Variants in CATSPERB observed in about 807,000 individuals in gnomAD.
CATSPERB encodes the protein catsper channel auxiliary subunit beta.
Under a neutral mutation model 128.3 loss-of-function variants are expected in CATSPERB, and 93 were observed. The ratio of observed to expected loss-of-function variants is 0.72; its 90% CI spans 0.61 to 0.86. CATSPERB has a LOEUF of 0.86. Ranked by LOEUF, CATSPERB falls within the 40% of genes least tolerant of loss-of-function variation. CATSPERB has a pLI of 0.00. For missense variants in CATSPERB, 1,153 were observed against 1,329.5 expected (o/e 0.87, Z 2.06); for synonymous variants, 381 against 448.8 (o/e 0.85, Z 1.91).
intron 15 of CATSPERB, among the ~76,000 whole-genome samples, chr14:91,644,169 G>A (rs1894548420): frequency 1.5e-5 from 2 of 132,760 alleles, no homozygotes; most frequent in Admixed American, 1.5e-4. Context: ...TATCCAATTT[G>A]CCAGTCTGTG....
chr14:91,673,446 C>G (rs935531250), intron 12 of CATSPERB, among the ~76,000 whole-genome samples: 2 of 152,142 alleles, frequency 1.3e-5, no homozygotes, highest in African/African-American at 4.8e-5. Flanking sequence ...AAAGCCTTCT[C>G]CCTGGCAATA....
At chr14:91,609,441 C>G (rs1893780022) in intron 21 of CATSPERB, among the ~76,000 whole-genome samples, 1 of 152,112 alleles carries the variant, frequency 6.6e-6, no homozygotes, top group African/African-American at 2.4e-5. Flanking sequence ...TAGAGTTCAC[C>G]CAAGTAGCAC....
intron 15 of CATSPERB, among the ~76,000 whole-genome samples, chr14:91,650,157 C>T (rs1298541156): frequency 2.6e-5 from 4 of 152,160 alleles, no homozygotes; most frequent in Non-Finnish European, 4.4e-5. Context: ...TGTACTTTGT[C>T]TCAGTTATTT....
intron 17 of CATSPERB, among the ~76,000 whole-genome samples, chr14:91,630,871 G>A (rs992290063): frequency 3.3e-5 from 5 of 151,930 alleles, no homozygotes; most frequent in East Asian, 3.9e-4. Flanking sequence ...CTATAATACC[G>A]TCTATGATCT....
At chr14:91,641,484 G>C (rs1380275333) in intron 15 of CATSPERB, among the ~76,000 whole-genome samples, 1 of 152,064 alleles carries the variant, frequency 6.6e-6, no homozygotes, top group Non-Finnish European at 1.5e-5. Flanking sequence ...CCCATTGCTT[G>C]TTTTTCTCAG....
At chr14:91,718,537 G>A (rs1474432616) in intron 5 of CATSPERB, among the ~76,000 whole-genome samples, 1 of 152,100 alleles carries the variant, frequency 6.6e-6, no homozygotes, top group Non-Finnish European at 1.5e-5. Flanking sequence ...GATCAACAAT[G>A]GGTCAACTGA....
chr14:91,666,953 A>G (rs28838354), intron 14 of CATSPERB, among the ~76,000 whole-genome samples: 12,522 of 152,222 alleles, frequency 0.082, 551 homozygotes, highest in Middle Eastern at 0.16. Context: ...TAACCTATAT[A>G]TTGATGGAAG....
At chr14:91,640,243 TA>T (rs1566714917) in intron 15 of CATSPERB, among the ~76,000 whole-genome samples, 29 of 151,282 alleles carry the variant, frequency 1.9e-4, no homozygotes, top group East Asian at 9.7e-4. Flanking sequence ...TCATTCTTTT[TA>T]TTTTTTTATT....
intron 13 of CATSPERB, among the ~76,000 whole-genome samples, chr14:91,670,609 G>C (rs953209128): frequency 3.3e-5 from 5 of 152,012 alleles, no homozygotes; most frequent in Admixed American, 1.3e-4. Flanking sequence ...TGAGCCAGGA[G>C]TTAGAGTCTG....
chr14:91,621,264 G>A (rs1164360211), intron 19 of CATSPERB, among the ~76,000 whole-genome samples: 1 of 152,178 alleles, frequency 6.6e-6, no homozygotes, highest in Non-Finnish European at 1.5e-5. Context: ...CTAGCCGGGA[G>A]TGGTGTACAC....
At chr14:91,618,172 C>T (rs991839387) in intron 19 of CATSPERB, among the ~76,000 whole-genome samples, 1 of 152,164 alleles carries the variant, frequency 6.6e-6, no homozygotes, top group Non-Finnish European at 1.5e-5. Flanking sequence ...CATTTGTAAA[C>T]TGTCATGGTG....
At chr14:91,609,285 T>C (rs183385096) in intron 21 of CATSPERB, among the ~76,000 whole-genome samples, 2 of 152,254 alleles carry the variant, frequency 1.3e-5, no homozygotes, top group East Asian at 3.9e-4. Context: ...TGGTGTTATT[T>C]AAGGTTTACA....
chr14:91,586,809 C>T (rs1893310183), intron 26 of CATSPERB, among the ~76,000 whole-genome samples: 1 of 152,084 alleles, frequency 6.6e-6, no homozygotes, highest in South Asian at 2.1e-4. Flanking sequence ...ACAATGATTA[C>T]AGTTCAAACA....
At chr14:91,729,895 G>A (rs1053500511) in intron 1 of CATSPERB, among the ~76,000 whole-genome samples, 2 of 152,090 alleles carry the variant, frequency 1.3e-5, no homozygotes, top group African/African-American at 4.8e-5. Context: ...GCACATTCTC[G>A]TTGAGTGTGC....
At chr14:91,729,338 A>G in intron 2 of CATSPERB, 63 bp downstream of exon 2, 2 of 687,030 alleles carry the variant, frequency 2.9e-6, no homozygotes, top group South Asian at 2.7e-5. Context: ...ACTGTAAATA[A>G]GGAAGAGACA....
intron 5 of CATSPERB, among the ~76,000 whole-genome samples, chr14:91,718,309 T>A (rs1208838616): frequency 2.0e-5 from 3 of 152,228 alleles, no homozygotes; most frequent in Non-Finnish European, 4.4e-5. Context: ...CCAGATGTTA[T>A]GGCACTGGCG....
At chr14:91,617,367 G>T (rs1378138740) in intron 20 of CATSPERB, among the ~76,000 whole-genome samples, 1 of 152,014 alleles carries the variant, frequency 6.6e-6, no homozygotes, top group African/African-American at 2.4e-5. Context: ...TTTCTTTTAA[G>T]TTTGATAAAT....
intron 2 of CATSPERB, among the ~76,000 whole-genome samples, chr14:91,727,563 A>C (rs2139784567): frequency 6.6e-6 from 1 of 152,346 alleles, no homozygotes; most frequent in South Asian, 2.1e-4. Context: ...AATGTTAAAC[A>C]GTTTTCAAAG....
chr14:91,664,259 C>CTTTTT (rs750623098), intron 14 of CATSPERB, among the ~76,000 whole-genome samples: 69 of 115,680 alleles, frequency 6.0e-4, no homozygotes, highest in Admixed American at 1.3e-3. Context: ...TCTTCCATGT[C>CTTTTT]TTTTTTTTTT....
Sources: gnomAD v4.1 joint callset for allele counts (sites outside exome capture counted in the v4.1 genomes callset) on GRCh38, gnomAD v4.1.1 for gene constraint, MANE v1.5 for transcripts, NCBI Gene and HGNC (gene_info 2026-07-23, HGNC 2026-07-21) for gene names.